Variants in BRD10 observed in about 807,000 individuals in gnomAD.
BRD10 encodes uncharacterized bromodomain-containing protein 10.
chr9:5,958,566 G>A, the BRD10 span, among the ~76,000 whole-genome samples: 2 of 152,174 alleles, frequency 1.3e-5, no homozygotes, highest in Non-Finnish European at 2.9e-5. Context: ...GTGAGAGGAT[G>A]GCTTGCGCCC....
At chr9:5,886,641 G>A in the BRD10 span, among the ~76,000 whole-genome samples, 2 of 152,224 alleles carry the variant, frequency 1.3e-5, no homozygotes, top group South Asian at 4.1e-4. Flanking sequence ...GGGAGAAAAG[G>A]AAGCCACTTG....
chr9:5,927,267 C>A, the BRD10 span, among the ~76,000 whole-genome samples: 2 of 152,168 alleles, frequency 1.3e-5, no homozygotes, highest in East Asian at 3.9e-4. Context: ...TATTCCTATT[C>A]TCCATCTCCC....
At chr9:5,969,575 G>C in the BRD10 span, 2 of 650,368 alleles carry the variant, frequency 3.1e-6, no homozygotes, top group South Asian at 2.3e-5. Context: ...ACAGAGTCTC[G>C]CTCTGTCCCC....
At chr9:5,908,958 G>A in the BRD10 span, 1 of 426,228 alleles carries the variant, frequency 2.3e-6, no homozygotes, top group Non-Finnish European at 4.2e-6. Flanking sequence ...CTGTGCCAGA[G>A]GTAATGTTAG....
At chr9:5,900,606 T>A in the BRD10 span, among the ~76,000 whole-genome samples, 1 of 152,222 alleles carries the variant, frequency 6.6e-6, no homozygotes, top group Non-Finnish European at 1.5e-5. Flanking sequence ...TTACTCCACC[T>A]TTAACAATCT....
chr9:5,929,258 A>G, the BRD10 span: 18 of 619,572 alleles, frequency 2.9e-5, no homozygotes, highest in Non-Finnish European at 4.5e-5. Flanking sequence ...ATACTCCATA[A>G]AAACGTATTT....
the BRD10 span, among the ~76,000 whole-genome samples, chr9:5,893,641 G>C: frequency 6.6e-6 from 1 of 152,048 alleles, no homozygotes; most frequent in African/African-American, 2.4e-5. Flanking sequence ...TATTAGTTAG[G>C]GTATCGTTTC....
At chr9:5,900,783 G>T in the BRD10 span, among the ~76,000 whole-genome samples, 22 of 152,224 alleles carry the variant, frequency 1.4e-4, no homozygotes, top group Non-Finnish European at 2.9e-4. Flanking sequence ...AGTGGGAAAT[G>T]ATTTGTAATA....
the BRD10 span, among the ~76,000 whole-genome samples, chr9:5,925,289 G>T: frequency 6.6e-6 from 1 of 151,408 alleles, no homozygotes; most frequent in East Asian, 1.9e-4. Flanking sequence ...AACCCAGGAG[G>T]TGGAGGTTGC....
the BRD10 span, chr9:5,908,607 C>A: frequency 1.3e-6 from 2 of 1,580,838 alleles, no homozygotes; most frequent in Non-Finnish European, 1.7e-6. Flanking sequence ...ACACTGTTGC[C>A]AAGCCCATAT....
At chr9:5,933,045 TTCTC>T in the BRD10 span, among the ~76,000 whole-genome samples, 1 of 152,204 alleles carries the variant, frequency 6.6e-6, no homozygotes, top group Non-Finnish European at 1.5e-5. Flanking sequence ...TTAAGACTCT[TTCTC>T]TATACTGATT....
At chr9:5,893,433 C>T in the BRD10 span, among the ~76,000 whole-genome samples, 2,536 of 152,246 alleles carry the variant, frequency 0.017, 75 homozygotes, top group African/African-American at 0.059. Flanking sequence ...TAACAGTCAA[C>T]CGCAGGGACC....
chr9:5,924,498 T>G, the BRD10 span, among the ~76,000 whole-genome samples: 1 of 152,134 alleles, frequency 6.6e-6, no homozygotes, highest in African/African-American at 2.4e-5. Context: ...CCTAGGCTAG[T>G]AGAAACTTCT....
chr9:5,896,178 T>C, the BRD10 span, among the ~76,000 whole-genome samples: 3 of 152,236 alleles, frequency 2.0e-5, no homozygotes, highest in African/African-American at 7.2e-5. Context: ...CCCTGGGCAC[T>C]TGACCAGCAT....
At chr9:5,967,369 A>G in the BRD10 span, among the ~76,000 whole-genome samples, 2 of 152,238 alleles carry the variant, frequency 1.3e-5, no homozygotes, top group East Asian at 3.8e-4. Context: ...AAGACTTCAT[A>G]GAATTTTCTG....
chr9:5,935,236 C>T, the BRD10 span, among the ~76,000 whole-genome samples: 4 of 152,202 alleles, frequency 2.6e-5, no homozygotes, highest in African/African-American at 9.6e-5. Context: ...CGCGTTTGTA[C>T]TTTAAAGGCA....
the BRD10 span, chr9:5,920,729 G>A: frequency 1.2e-5 from 19 of 1,613,794 alleles, no homozygotes; most frequent in Non-Finnish European, 1.7e-6. Flanking sequence ...TATTATTTTA[G>A]GGGATGTAGT....
At chr9:5,961,989 T>A in the BRD10 span, among the ~76,000 whole-genome samples, 1 of 152,154 alleles carries the variant, frequency 6.6e-6, no homozygotes. Context: ...TCAGTTCTGT[T>A]CTGATTTTAG....
chr9:5,950,330 A>C, the BRD10 span, among the ~76,000 whole-genome samples: 1 of 152,226 alleles, frequency 6.6e-6, no homozygotes, highest in Non-Finnish European at 1.5e-5. Flanking sequence ...ATTTGAAAAC[A>C]ATAAAAATGG....
Sources: allele counts gnomAD v4.1 joint callset (sites outside exome capture counted in the v4.1 genomes callset), GRCh38; gene constraint gnomAD v4.1.1; transcripts MANE v1.5; gene names NCBI Gene and HGNC (gene_info 2026-07-23, HGNC 2026-07-21).